The following AUH variants were observed in gnomAD, a reference collection of about 807,000 sequenced individuals.
AUH encodes AU RNA binding methylglutaconyl-CoA hydratase.
Under a neutral mutation model 42.3 loss-of-function variants are expected in AUH, and 29 were observed. The observed-to-expected ratio is 0.69, with a 90% CI of 0.51 to 0.93. AUH has a LOEUF of 0.93. Among genes scored for constraint, AUH ranks in the 40% least tolerant of loss-of-function variants. The pLI, the probability that AUH is intolerant of heterozygous loss-of-function variation, is 0.00. For synonymous variants in AUH, 174 were observed against 166.4 expected, an observed-to-expected ratio of 1.05 and a Z score of -0.35; for missense variants, 452 against 438.1, an observed-to-expected ratio of 1.03 and a Z score of -0.28.
At chr9:91,357,191 T>C (rs1832480847) in intron 1 of AUH, among the ~76,000 whole-genome samples, 1 of 152,206 alleles carries the variant, frequency 6.6e-6, no homozygotes, top group Non-Finnish European at 1.5e-5. Flanking sequence ...CCAATACTAC[T>C]GACAACAGCT....
At chr9:91,357,084 T>C (rs928124272) in intron 1 of AUH, among the ~76,000 whole-genome samples, 65 of 152,180 alleles carry the variant, frequency 4.3e-4, no homozygotes, top group African/African-American at 1.5e-3. Context: ...AAGAGTAAAT[T>C]TGCAAGAATT....
At chr9:91,217,138 C>G in intron 8 of AUH, 139 bp downstream of exon 8, 1 of 844,744 alleles carries the variant, frequency 1.2e-6, no homozygotes, top group Non-Finnish European at 1.9e-6. Flanking sequence ...CAAGGAACTT[C>G]AGTAGCTTTC....
chr9:91,225,538 CTTT>C (rs954897942), intron 6 of AUH, among the ~76,000 whole-genome samples: 41 of 151,048 alleles, frequency 2.7e-4, no homozygotes, highest in Admixed American at 1.8e-3. Context: ...AGTGCCAGTT[CTTT>C]TTTTTTATTA....
intron 4 of AUH, among the ~76,000 whole-genome samples, chr9:91,313,664 C>A: frequency 7.0e-6 from 1 of 142,538 alleles, no homozygotes; most frequent in East Asian, 2.1e-4. Context: ...GAGATTGCGC[C>A]ACTGCAGTCC....
intron 6 of AUH, among the ~76,000 whole-genome samples, chr9:91,288,566 G>A (rs1826604351): frequency 6.6e-6 from 1 of 152,012 alleles, no homozygotes; most frequent in Non-Finnish European, 1.5e-5. Context: ...GTTTCACTTT[G>A]TGTTTAATAT....
intron 4 of AUH, chr9:91,306,332 T>C (rs929685196): frequency 1.5e-5 from 15 of 983,816 alleles, no homozygotes; most frequent in African/African-American, 7.0e-5. Flanking sequence ...CACTTACTAG[T>C]AGAACTGAGT....
At chr9:91,315,607 A>G (rs540051014) in intron 4 of AUH, among the ~76,000 whole-genome samples, 46 of 152,328 alleles carry the variant, frequency 3.0e-4, no homozygotes, top group African/African-American at 1.1e-3. Context: ...ACAGTAAGAA[A>G]GAAAAAAAAA....
intron 4 of AUH, among the ~76,000 whole-genome samples, chr9:91,318,465 A>T (rs533969141): frequency 5.3e-5 from 8 of 152,208 alleles, no homozygotes; most frequent in East Asian, 3.9e-4. Flanking sequence ...TTATGCTTTC[A>T]TGCCTGATGC....
intron 7 of AUH, chr9:91,218,701 TTTC>T (rs1420961063): frequency 1.0e-6 from 1 of 984,904 alleles, no homozygotes; most frequent in African/African-American, 1.7e-5. Context: ...TCCAGTGCCT[TTTC>T]TTCTTTACAA....
intron 6 of AUH, among the ~76,000 whole-genome samples, chr9:91,272,760 C>G (rs561780229): frequency 6.6e-6 from 1 of 152,234 alleles, no homozygotes; most frequent in African/African-American, 2.4e-5. Flanking sequence ...CCAGCCATTA[C>G]TAACAAGTAT....
chr9:91,278,724 G>A (rs1825738519), intron 6 of AUH, among the ~76,000 whole-genome samples: 1 of 152,040 alleles, frequency 6.6e-6, no homozygotes, highest in Non-Finnish European at 1.5e-5. Context: ...GCCAAGATAG[G>A]GTAGCAAAGA....
intron 6 of AUH, among the ~76,000 whole-genome samples, chr9:91,251,484 TGA>T (rs1463561439): frequency 6.6e-6 from 1 of 152,208 alleles, no homozygotes; most frequent in African/African-American, 2.4e-5. Context: ...GCTGGATTTC[TGA>T]GAGGAGTCAC....
chr9:91,298,317 T>C (rs1456919785), intron 4 of AUH, among the ~76,000 whole-genome samples: 1 of 152,218 alleles, frequency 6.6e-6, no homozygotes, highest in East Asian at 1.9e-4. Flanking sequence ...CCCATATTAT[T>C]GAATTACTTT....
At chr9:91,303,139 C>A (rs912999665) in intron 4 of AUH, among the ~76,000 whole-genome samples, 9 of 152,248 alleles carry the variant, frequency 5.9e-5, no homozygotes, top group Middle Eastern at 3.4e-3. Flanking sequence ...GTAAGGCAGG[C>A]CCCTGGTTCA....
chr9:91,337,220 T>C (rs1041414707), intron 3 of AUH, among the ~76,000 whole-genome samples: 3 of 152,194 alleles, frequency 2.0e-5, no homozygotes. Flanking sequence ...AAATATTAAA[T>C]ACATGAATTA....
At chr9:91,350,295 C>T (rs1421549059) in intron 3 of AUH, among the ~76,000 whole-genome samples, 1 of 152,170 alleles carries the variant, frequency 6.6e-6, no homozygotes, top group Non-Finnish European at 1.5e-5. Flanking sequence ...CTTCTAGGTT[C>T]TAGATTAGAA....
intron 6 of AUH, among the ~76,000 whole-genome samples, chr9:91,232,266 C>T (rs1022439708): frequency 1.9e-4 from 29 of 151,982 alleles, no homozygotes; most frequent in Non-Finnish European, 2.8e-4. Flanking sequence ...ATGCTGACTA[C>T]GGAGGCTGAG....
In AUH at chr9:91,356,157, T is replaced by C. The variant is rs730880311; in HGVS notation, c.263-2A>G. 3.1e-6 allele frequency: 5 copies of C among 1,613,112 alleles called. No individual in the cohort carries two copies. In the East Asian group the frequency reaches 6.7e-5, roughly 22 times the overall value. On this transcript the variant is annotated splice_acceptor_variant, in intron 1 of 9. Coordinates refer to ENST00000375731, the MANE Select transcript of AUH (RefSeq NM_001698.3). LOFTEE classifies it high-confidence loss of function. ...TGTTTATTCCAAGCACCACAATTCC[T>C]AGTTAAAGGGGAAAAAAAGTACAAG...
chr9:91,351,602 T>C lies in AUH; in HGVS notation c.418+4281A>G, dbSNP rs909200021. On this transcript the variant is annotated intron_variant, in intron 3 of 9. Coordinates refer to ENST00000375731, the MANE Select transcript of AUH (RefSeq NM_001698.3). ...AACCCGAGTTGATGAATGGTACTGGTCTGTGGCCTGTTAGGAACCGGTGAC... is the reference window on the plus strand; with the variant it reads ...AACCCGAGTTGATGAATGGTACTGGCCTGTGGCCTGTTAGGAACCGGTGAC... Among the ~76,000 whole-genome samples, 5 of 152,210 alleles carry C rather than the reference T, an allele frequency of 3.3e-5. 1 individual carries two copies. The highest frequency in any genetic ancestry group is 7.3e-5 in the Non-Finnish European group (5 of 68,036).
Sources: allele counts gnomAD v4.1 joint callset (sites outside exome capture counted in the v4.1 genomes callset), GRCh38; gene constraint gnomAD v4.1.1; transcripts MANE v1.5; gene names NCBI Gene and HGNC (gene_info 2026-07-23, HGNC 2026-07-21).